The following IL33 variants were observed in gnomAD, a reference collection of about 807,000 sequenced individuals.
The protein encoded by IL33 is interleukin 33.
Under a neutral mutation model 27.3 loss-of-function variants are expected in IL33, and 37 were observed. The ratio of observed to expected loss-of-function variants is 1.36; its 90% CI spans 1.04 to 1.78. IL33 has a LOEUF of 1.78. Among genes scored for constraint, IL33 ranks in the 40% most tolerant of loss-of-function variants. IL33 has a pLI of 0.00. For missense variants in IL33, 406 were observed against 311.4 expected (o/e 1.30, Z -2.29); for synonymous variants, 132 against 102.9 (o/e 1.28, Z -1.71).
intron 1 of IL33, among the ~76,000 whole-genome samples, chr9:6,230,963 T>C (rs914047570): frequency 3.3e-5 from 5 of 152,186 alleles, no homozygotes; most frequent in African/African-American, 9.7e-5. Context: ...GAGACAATCA[T>C]ATCCAAACTC....
Position 6,257,629 on chromosome 9 carries a change from T to C in IL33, c.*1461T>C, listed in dbSNP as rs1419993684. 6.6e-6 allele frequency: 1 copy of C among 152,616 alleles called. No individual in the cohort carries two copies. Among genetic ancestry groups the C allele is most frequent in the East Asian group, 1.9e-4 (1 of 5,204 alleles). The allele number at this position is 152,616 out of a possible 1,614,324, so 9.5% of individuals were successfully genotyped here. On this transcript the variant is annotated 3_prime_UTR_variant, in exon 8 of 8. Coordinates refer to ENST00000682010, the MANE Select transcript of IL33 (RefSeq NM_033439.4). Reference sequence around the variant, plus strand: ...AGACTTAACACTTATGATAAATGACTAACATAGTAACAGAATCTTTATGAA... The same window carrying C: ...AGACTTAACACTTATGATAAATGACCAACATAGTAACAGAATCTTTATGAA...
Position 6,236,885 on chromosome 9 carries a change from T to C in IL33, c.-11-4799T>C, listed in dbSNP as rs150713829. On this transcript the variant is annotated intron_variant, in intron 1 of 7. Coordinates refer to ENST00000682010, the MANE Select transcript of IL33 (RefSeq NM_033439.4). ...GACTCTGTCTCAAAAAATAAATAAA[T>C]AAATAAAATGAAAGTGCTACAGCTA... Among the ~76,000 whole-genome samples, 742 of 152,090 alleles carry C rather than the reference T, an allele frequency of 4.9e-3. 5 individuals carry two copies. Among genetic ancestry groups the C allele is most frequent in the Non-Finnish European group, 9.0e-3 (615 of 67,956 alleles).
Position 6,257,824 on chromosome 9 carries a change from CAA to C in IL33, c.*1658_*1659del, listed in dbSNP as rs1181390521. 1.3e-5 allele frequency: 2 copies of C among 151,848 alleles called. No individual in the cohort carries two copies. The highest frequency in any genetic ancestry group is 3.9e-4 in the East Asian group (2 of 5,190). The allele number at this position is 151,848 out of a possible 1,614,324, so 9.4% of individuals were successfully genotyped here. ...TCATTGTTCTGTCAATAATTGTTAC[CAA>C]AGAGATAAAAATAAAAGCAGAATGT... On this transcript the variant is annotated 3_prime_UTR_variant, in exon 8 of 8. Coordinates refer to ENST00000682010, the MANE Select transcript of IL33 (RefSeq NM_033439.4).
chr9:6,241,872 CTT>C, intron 2 of IL33, 87 bp downstream of exon 2: 1 of 858,964 alleles, frequency 1.2e-6, no homozygotes. Context: ...TACATGCTAT[CTT>C]ATCAAAATCT....
At chr9:6,239,449 G>C (rs139092936) in intron 1 of IL33, among the ~76,000 whole-genome samples, 6 of 152,234 alleles carry the variant, frequency 3.9e-5, no homozygotes, top group African/African-American at 1.2e-4. Flanking sequence ...GAAGGACAGC[G>C]TGGGGGTTGT....
At chr9:6,234,332 T>C (rs58924681) in intron 1 of IL33, among the ~76,000 whole-genome samples, 8,153 of 152,294 alleles carry the variant, frequency 0.054, 364 homozygotes, top group African/African-American at 0.11. Flanking sequence ...CCATCTGCCC[T>C]ACATCAAACT....
intron 1 of IL33, among the ~76,000 whole-genome samples, chr9:6,226,301 C>T (rs1818625691): frequency 6.6e-6 from 1 of 152,138 alleles, no homozygotes; most frequent in Non-Finnish European, 1.5e-5. Context: ...AAGGCTTGAG[C>T]CACCACCCCC....
rs770611056 is a variant in IL33, at chr9:6,250,525, G to A, written c.143G>A (p.Arg48His). 103 of 1,613,782 alleles carry A rather than the reference G, an allele frequency of 6.4e-5. No individual in the cohort carries two copies. Among genetic ancestry groups the A allele is most frequent in the Non-Finnish European group, 8.2e-5 (97 of 1,179,906 alleles). The change falls in exon 3 of 8, where the codon CGC becomes CAC. Residue 48 changes from arginine to histidine, a missense_variant. Physicochemically the swap from Arg to His is conservative, Grantham distance 29. Transcript: ENST00000682010. ...EVCPMYFMKL[R>H]SGLMIKKEAC... The stretch of plus-strand genomic sequence containing the variant: ...TGCCCCATGTACTTTATGAAGCTCC[G>A]CTCTGGCCTTATGATAAAAAAGGAG...
At chr9:6,242,289 T>C (rs1231128217) in intron 2 of IL33, 1 of 152,234 alleles carries the variant, frequency 6.6e-6, no homozygotes, top group African/African-American at 2.4e-5. Context: ...CATAGAAATA[T>C]ACCTGAAGCT....
chr9:6,231,292 A>G (rs765718862), intron 1 of IL33, among the ~76,000 whole-genome samples: 3 of 152,186 alleles, frequency 2.0e-5, no homozygotes, highest in Non-Finnish European at 4.4e-5. Flanking sequence ...GGCCCAGCCC[A>G]ACCAAGCTTC....
intron 1 of IL33, among the ~76,000 whole-genome samples, chr9:6,228,859 A>AAT (rs386414379): frequency 6.6e-6 from 1 of 151,710 alleles, no homozygotes; most frequent in East Asian, 1.9e-4. Flanking sequence ...AAAAAAAAAA[A>AAT]ATCAGCTTTC....
At chr9:6,242,043 T>G in intron 2 of IL33, 1 of 230,730 alleles carries the variant, frequency 4.3e-6, no homozygotes, top group Admixed American at 5.3e-5. Context: ...AGTGATAAAC[T>G]TAATTATAGC....
chr9:6,247,494 A>G (rs1470995074), intron 2 of IL33, among the ~76,000 whole-genome samples: 1 of 152,224 alleles, frequency 6.6e-6, no homozygotes, highest in Non-Finnish European at 1.5e-5. Context: ...GCAGAATTAT[A>G]GAAAGATTTC....
chr9:6,228,162 C>T (rs902851647), intron 1 of IL33, among the ~76,000 whole-genome samples: 22 of 152,122 alleles, frequency 1.4e-4, no homozygotes, highest in African/African-American at 5.3e-4. Context: ...GTAAAAAATA[C>T]AGGAGAGCTA....
At chr9:6,239,118 A>T (rs1819389277) in intron 1 of IL33, among the ~76,000 whole-genome samples, 1 of 152,230 alleles carries the variant, frequency 6.6e-6, no homozygotes, top group Non-Finnish European at 1.5e-5. Context: ...AACAAAGAGC[A>T]GCCTGAGAGA....
At position 6,256,750 on chromosome 9, in the gene IL33, G is replaced by C. The variant is rs1816754472; in HGVS notation, c.*582G>C. ...TGTCAGGGGATATGGAACTTCAAAG[G>C]CCCACATGGCAAGCCAGGTAACATA... is the stretch of plus-strand genomic sequence containing the variant. On this transcript the variant is annotated 3_prime_UTR_variant, in exon 8 of 8. Transcript: ENST00000682010. 1 of 168,714 alleles carries C rather than the reference G, an allele frequency of 5.9e-6. No individual in the cohort carries two copies. Among genetic ancestry groups the C allele is most frequent in the Non-Finnish European group, 1.3e-5 (1 of 79,754 alleles). The allele number at this position is 168,714 out of a possible 1,614,324, so 10.5% of individuals were successfully genotyped here.
intron 1 of IL33, among the ~76,000 whole-genome samples, chr9:6,222,855 G>C (rs190116424): frequency 6.6e-6 from 1 of 152,054 alleles, no homozygotes; most frequent in African/African-American, 2.4e-5. Context: ...TGGAGAATAG[G>C]GAACAGTTGA....
At chr9:6,238,010 C>T (rs2130279007) in intron 1 of IL33, among the ~76,000 whole-genome samples, 1 of 152,246 alleles carries the variant, frequency 6.6e-6, no homozygotes, top group South Asian at 2.1e-4. Flanking sequence ...TATTCAGAAA[C>T]TTATTATTTC....
chr9:6,228,604 C>A (rs780126563), intron 1 of IL33, among the ~76,000 whole-genome samples: 1 of 151,906 alleles, frequency 6.6e-6, no homozygotes, highest in African/African-American at 2.4e-5. Flanking sequence ...CACCTGTAAT[C>A]CCAGTGCTCT....
Sources: allele counts gnomAD v4.1 joint callset (sites outside exome capture counted in the v4.1 genomes callset), GRCh38; gene constraint gnomAD v4.1.1; transcripts MANE v1.5; gene names NCBI Gene and HGNC (gene_info 2026-07-23, HGNC 2026-07-21).